Variants in TASOR2 observed in about 807,000 individuals in gnomAD.
TASOR2 encodes transcription activation suppressor family member 2.
Under a neutral mutation model 199.5 loss-of-function variants are expected in TASOR2, and 84 were observed. That is an observed-to-expected ratio of 0.42 (90% CI 0.35 to 0.50). The LOEUF (loss-of-function observed/expected upper bound fraction) is 0.50. Ranked by LOEUF, TASOR2 falls within the 20% of genes least tolerant of loss-of-function variation. The pLI is 0.02. For synonymous variants in TASOR2, 1,103 were observed against 1,046.6 expected (o/e 1.05, Z -1.04); for missense variants, 2,796 against 2,835.9 (o/e 0.99, Z 0.32).
At chr10:5,755,020 T>C (rs1465881212) in intron 15 of TASOR2, among the ~76,000 whole-genome samples, 1 of 119,822 alleles carries the variant, frequency 8.3e-6, no homozygotes, top group African/African-American at 3.3e-5. Flanking sequence ...CACTCCAGCC[T>C]GGGCAACAGA....
At chr10:5,762,940 G>A in intron 20 of TASOR2, 89 bp from the exon 22 acceptor site, 1 of 1,218,640 alleles carries the variant, frequency 8.2e-7, no homozygotes, top group African/African-American at 1.5e-5. Context: ...GAATGCATAG[G>A]CGTTTTCCCC....
Position 5,727,042 on chromosome 10 carries a change from T to C in TASOR2, c.425-19T>C. 1.2e-6 allele frequency: 2 copies of C among 1,614,104 alleles called. No individual in the cohort carries two copies. Among genetic ancestry groups the C allele is most frequent in the Non-Finnish European group, 1.7e-6 (2 of 1,179,964 alleles). ...ATCAACAACCTAACTTTTCTTCTTCTGATTCTCATTCTGCATAGATTTTGG... is the reference window on the plus strand; with the variant it reads ...ATCAACAACCTAACTTTTCTTCTTCCGATTCTCATTCTGCATAGATTTTGG... On this transcript the variant is annotated intron_variant, in intron 9 of 20. Coordinates refer to ENST00000328090, the Ensembl canonical transcript of TASOR2.
chr10:5,715,219 AC>A (rs200002420), intron 2 of TASOR2, among the ~76,000 whole-genome samples: 3,534 of 61,930 alleles, frequency 0.057, 60 homozygotes, highest in South Asian at 0.1. Flanking sequence ...ATTCCTGCTG[AC>A]CTTTTTTTTT....
chr10:5,728,130 A>G (rs1834289650), intron 10 of TASOR2, among the ~76,000 whole-genome samples: 1 of 151,060 alleles, frequency 6.6e-6, no homozygotes, highest in Non-Finnish European at 1.5e-5. Flanking sequence ...CTCAGGTGGG[A>G]GGATCGCTTG....
chr10:5,742,503 T>G lies in TASOR2; in HGVS notation c.2734T>G (p.Phe912Val). 6.2e-7 allele frequency: 1 copy of G among 1,613,482 alleles called. No homozygotes were observed. The highest frequency in any genetic ancestry group is 8.5e-7 in the Non-Finnish European group (1 of 1,179,886). The change falls in exon 14 of 21, where the codon TTC becomes GTC. Residue 912 changes from phenylalanine (F) to valine (V), a missense_variant. Physicochemically the swap from Phe to Val is conservative, Grantham distance 50 (BLOSUM62 -1). Transcript: ENST00000328090. This position sits in a 1 kb window ranked among gnomAD's most constrained non-coding sequence, Gnocchi z 4.2. ...TCCAGACACCCAAGAAGACCAGAAT[T>G]TCATCTGTTCTTACAATAATGAGGT...
chr10:5,709,702 A>T (rs1341403809), intron 1 of TASOR2: 2 of 1,218,968 alleles, frequency 1.6e-6, no homozygotes, highest in African/African-American at 3.1e-5. Context: ...ATAACTAATG[A>T]ATCCAGAATA....
exon 12 of TASOR2, chr10:5,735,306 G>A (rs904024588): frequency 3.0e-5 from 48 of 1,613,158 alleles, no homozygotes; most frequent in Non-Finnish European, 3.4e-5. Context: ...TACATAAGGT[G>A]CGGAAGTGCT....
chr10:5,700,282 T>TA (rs1837654196), intron 1 of TASOR2, among the ~76,000 whole-genome samples: 1 of 152,148 alleles, frequency 6.6e-6, no homozygotes, highest in African/African-American at 2.4e-5. Context: ...ATTTTTTTTT[T>TA]ATGGCTGAAT....
At chr10:5,744,416 C>T (rs2131621210) in intron 14 of TASOR2, among the ~76,000 whole-genome samples, 1 of 152,320 alleles carries the variant, frequency 6.6e-6, no homozygotes, top group East Asian at 1.9e-4. Flanking sequence ...GATTCTCCTG[C>T]CTCAGCCTCC....
chr10:5,714,433 T>C (rs1317648409), intron 2 of TASOR2: 5 of 341,166 alleles, frequency 1.5e-5, no homozygotes, highest in African/African-American at 4.2e-5. Context: ...GAGAATCTCT[T>C]CTAAATTGTC....
chr10:5,688,600 A>G (rs978440326), intron 1 of TASOR2, among the ~76,000 whole-genome samples: 1 of 152,056 alleles, frequency 6.6e-6, no homozygotes, highest in Non-Finnish European at 1.5e-5. Context: ...TCTGACATTA[A>G]CATTGGCCTA....
intron 15 of TASOR2, among the ~76,000 whole-genome samples, chr10:5,753,180 A>C (rs1436735434): frequency 1.3e-5 from 2 of 152,166 alleles, no homozygotes; most frequent in African/African-American, 4.8e-5. Context: ...AATGACAGTC[A>C]CTGCCTTAAC....
At position 5,685,295 on chromosome 10, in the gene TASOR2, C is replaced by T. The variant is rs377047711; in HGVS notation, c.-288+120C>T. On this transcript the variant is annotated intron_variant, in intron 1 of 20. Coordinates refer to ENST00000328090, the Ensembl canonical transcript of TASOR2. The surrounding 1 kb of genome is among the most constrained non-coding windows in gnomAD (Gnocchi z 5.4). ...GCGAGGGTCGACGCGTTCTCCTTGC[C>T]TTTTGCCGCGCTCCGGGTGAGGGGG... 2 of 396,270 alleles carry T rather than the reference C, an allele frequency of 5.0e-6. No homozygotes were observed. The highest frequency in any genetic ancestry group is 1.4e-4 in the South Asian group (1 of 7,240). The allele number at this position is 396,270 out of a possible 1,614,324, so 24.5% of individuals were successfully genotyped here.
In TASOR2 at chr10:5,723,201, G is replaced by A. The variant is rs574773119; in HGVS notation, c.147-476G>A. Among the ~76,000 whole-genome samples the A allele has an allele frequency of 7.9e-5, 12 of 151,248 alleles. No homozygotes were observed. The South Asian group carries it at 1.7e-3, about 21-fold the overall frequency. On this transcript the variant is annotated intron_variant, in intron 6 of 20. Transcript: ENST00000328090. ...CGAGTAGCTGGGTGGGACTACAGGC[G>A]CCCACCACCACATCCGGCTAATTTT...
intron 11 of TASOR2, among the ~76,000 whole-genome samples, chr10:5,734,794 T>C (rs898930079): frequency 2.2e-5 from 3 of 133,712 alleles, no homozygotes; most frequent in Non-Finnish European, 4.6e-5. Flanking sequence ...TGGTGTGGGC[T>C]CCAGTTATCC....
At chr10:5,735,679 A>G (rs1369017894) in intron 12 of TASOR2, 133 bp downstream of exon 13, 1 of 1,188,654 alleles carries the variant, frequency 8.4e-7, no homozygotes, top group Non-Finnish European at 1.1e-6. Flanking sequence ...CAGTTCAGAC[A>G]TTAAAAAAAC....
At chr10:5,753,623 G>A (rs1277695585) in intron 15 of TASOR2, among the ~76,000 whole-genome samples, 1 of 152,170 alleles carries the variant, frequency 6.6e-6, no homozygotes, top group Non-Finnish European at 1.5e-5. Flanking sequence ...GCCTCCCAAA[G>A]TGCTGGGATT....
chr10:5,698,546 T>C lies in TASOR2; in HGVS notation c.-288+13371T>C, dbSNP rs1436004781. ...CAAGTGGTCAAGCTACTGCCTGTGGTCTTGCCTATTTTTGTAAATAAAGTT... is the reference window on the plus strand; with the variant it reads ...CAAGTGGTCAAGCTACTGCCTGTGGCCTTGCCTATTTTTGTAAATAAAGTT... On this transcript the variant is annotated intron_variant, in intron 1 of 20. Coordinates refer to ENST00000328090, the Ensembl canonical transcript of TASOR2. The surrounding 1 kb of genome is among the most constrained non-coding windows in gnomAD (Gnocchi z 4.4). Among the ~76,000 whole-genome samples the C allele has an allele frequency of 6.6e-6, 1 of 152,212 alleles. No individual in the cohort carries two copies. The highest frequency in any genetic ancestry group is 2.4e-5 in the African/African-American group (1 of 41,462).
In TASOR2 at chr10:5,735,290, C is replaced by G; in HGVS notation, c.1205-14C>G. 2 of 1,607,360 alleles carry G rather than the reference C, an allele frequency of 1.2e-6. No individual in the cohort carries two copies. The highest frequency in any genetic ancestry group is 1.1e-5 in the South Asian group (1 of 89,162). On this transcript the variant is annotated splice_polypyrimidine_tract_variant and intron_variant, in intron 11 of 20. Coordinates refer to ENST00000328090, the Ensembl canonical transcript of TASOR2. ...CCCCTACCCCTTACAAAAATGATGT[C>G]TTTTCTACATAAGGTGCGGAAGTGC...
Sources: gnomAD v4.1 joint callset for allele counts (sites outside exome capture counted in the v4.1 genomes callset) on GRCh38, gnomAD v4.1.1 for gene constraint, Gnocchi (gnomAD v3.1) non-coding constraint, MANE v1.5 for transcripts, NCBI Gene and HGNC (gene_info 2026-07-23, HGNC 2026-07-21) for gene names.